Variants in EXOC2 observed in about 807,000 individuals in gnomAD.
EXOC2 encodes exocyst complex component 2, also known as SEC5-like 1.
In EXOC2, 70 loss-of-function variants were observed where a neutral mutation model predicts 131.8. The observed-to-expected ratio is 0.53, with a 90% CI of 0.44 to 0.65. EXOC2 has a LOEUF of 0.65. Ranked by LOEUF, EXOC2 falls within the 30% of genes least tolerant of loss-of-function variation. The probability of loss-of-function intolerance (pLI) is 0.00; values close to 1 mark genes in which losing one functional copy is unlikely to be tolerated. For missense variants in EXOC2, 923 were observed against 1,108.6 expected (o/e 0.83, Z 2.38); for synonymous variants, 411 against 398.4 (o/e 1.03, Z -0.38).
chr6:495,795 T>G (rs750680720), intron 25 of EXOC2, among the ~76,000 whole-genome samples: 2 of 152,250 alleles, frequency 1.3e-5, no homozygotes, highest in Non-Finnish European at 2.9e-5. Flanking sequence ...TTGTTCATCC[T>G]TTCATGTGGC....
At chr6:523,159 T>C (rs1765567930) in intron 23 of EXOC2, among the ~76,000 whole-genome samples, 1 of 152,220 alleles carries the variant, frequency 6.6e-6, no homozygotes, top group Non-Finnish European at 1.5e-5. Flanking sequence ...GATGGCGCTA[T>C]GCAGAAAGGG....
At chr6:631,468 G>A (rs1197814835) in intron 3 of EXOC2, among the ~76,000 whole-genome samples, 1 of 152,008 alleles carries the variant, frequency 6.6e-6, no homozygotes, top group Non-Finnish European at 1.5e-5. Flanking sequence ...AACCTGGGAG[G>A]CGGAGGTTGC....
intron 1 of EXOC2, among the ~76,000 whole-genome samples, chr6:683,472 TCTTTA>T (rs1202027483): frequency 1.3e-5 from 2 of 152,230 alleles, no homozygotes; most frequent in Non-Finnish European, 2.9e-5. Context: ...ACTTGTCAAA[TCTTTA>T]GGATGAAATA....
chr6:628,998 T>C (rs1761715634), intron 4 of EXOC2, among the ~76,000 whole-genome samples: 2 of 152,194 alleles, frequency 1.3e-5, no homozygotes, highest in African/African-American at 4.8e-5. Flanking sequence ...AACATGCTAC[T>C]TCCCCTCAGC....
rs148245612 is a variant in EXOC2 at position 539,432 on chromosome 6, G to A, written c.2239-6822C>T. ...CAGCCAGTGCTCCCAATAAGCCACC[G>A]CCCTGCCTTTCTTAGCAGCAATCAC... On this transcript the variant is annotated intron_variant, in intron 22 of 27. Transcript: ENST00000230449. 2.0e-4 allele frequency among the ~76,000 whole-genome samples: 30 copies of A among 150,600 alleles called. No individual in the cohort carries two copies. In the East Asian group the frequency reaches 3.5e-3, roughly 18 times the overall value.
At chr6:650,420 C>A (rs1226639468) in intron 1 of EXOC2, among the ~76,000 whole-genome samples, 1 of 152,150 alleles carries the variant, frequency 6.6e-6, no homozygotes, top group African/African-American at 2.4e-5. Context: ...GAAACGGGCA[C>A]TCTCTAGTTT....
chr6:682,120 C>A (rs1287863616), intron 1 of EXOC2, among the ~76,000 whole-genome samples: 1 of 152,156 alleles, frequency 6.6e-6, no homozygotes, highest in East Asian at 1.9e-4. Flanking sequence ...TGGTGACTAA[C>A]AGCCAGTCAC....
intron 11 of EXOC2, among the ~76,000 whole-genome samples, chr6:583,615 G>C (rs1263135268): frequency 6.6e-6 from 1 of 152,168 alleles, no homozygotes; most frequent in African/African-American, 2.4e-5. Flanking sequence ...CAAGTCCCAG[G>C]TTACTGACTT....
chr6:634,001 A>G (rs976086959), intron 2 of EXOC2, among the ~76,000 whole-genome samples: 1 of 152,158 alleles, frequency 6.6e-6, no homozygotes, highest in Non-Finnish European at 1.5e-5. Context: ...AACAGAGACC[A>G]ATGTAATTAA....
chr6:645,163 T>A (rs755927171), intron 1 of EXOC2, among the ~76,000 whole-genome samples: 1 of 151,956 alleles, frequency 6.6e-6, no homozygotes, highest in Non-Finnish European at 1.5e-5. Context: ...TATGATTATA[T>A]GAGTTTTGAC....
At chr6:608,415 T>C (rs1760538698) in intron 7 of EXOC2, among the ~76,000 whole-genome samples, 1 of 152,240 alleles carries the variant, frequency 6.6e-6, no homozygotes, top group African/African-American at 2.4e-5. Context: ...GGAATTGTTA[T>C]AAAGAAATGT....
chr6:560,114 A>G (rs1345758254), intron 17 of EXOC2, among the ~76,000 whole-genome samples: 1 of 152,240 alleles, frequency 6.6e-6, no homozygotes, highest in Admixed American at 6.5e-5. Context: ...TTATTATCAT[A>G]GTAGCCCAGT....
chr6:561,182 G>T (rs1431750452), intron 17 of EXOC2, among the ~76,000 whole-genome samples: 2 of 152,136 alleles, frequency 1.3e-5, no homozygotes, highest in African/African-American at 4.8e-5. Flanking sequence ...ATTAACTTAA[G>T]ATAGGACCTT....
chr6:599,679 G>A (rs938694943), intron 7 of EXOC2, among the ~76,000 whole-genome samples: 7 of 152,134 alleles, frequency 4.6e-5, no homozygotes, highest in African/African-American at 1.7e-4. Context: ...TTTCAGGAAA[G>A]TTGCTCAATA....
intron 23 of EXOC2, among the ~76,000 whole-genome samples, chr6:513,863 CAT>C (rs1764986993): frequency 6.6e-6 from 1 of 152,192 alleles, no homozygotes; most frequent in Non-Finnish European, 1.5e-5. Flanking sequence ...AATTTGCTCC[CAT>C]AGACACAAAC....
intron 23 of EXOC2, among the ~76,000 whole-genome samples, chr6:500,992 C>T (rs1375796230): frequency 1.4e-5 from 2 of 147,536 alleles, no homozygotes; most frequent in Non-Finnish European, 3.0e-5. Context: ...ATTTCATATA[C>T]AGATCAATAT....
intron 10 of EXOC2, among the ~76,000 whole-genome samples, chr6:596,093 G>C (rs950702282): frequency 6.6e-6 from 1 of 152,004 alleles, no homozygotes; most frequent in Middle Eastern, 3.2e-3. Context: ...TCATGGTGGT[G>C]ATCAGGATTA....
chr6:529,123 C>A (rs796643382), intron 23 of EXOC2, among the ~76,000 whole-genome samples: 1 of 152,002 alleles, frequency 6.6e-6, no homozygotes, highest in African/African-American at 2.4e-5. Context: ...TTTACCCCCC[C>A]CCGCGCCCTG....
At chr6:605,548 A>G (rs113227633) in intron 7 of EXOC2, among the ~76,000 whole-genome samples, 10,777 of 152,016 alleles carry the variant, frequency 0.071, 564 homozygotes, top group African/African-American at 0.14. Flanking sequence ...CGGTGGTGAT[A>G]TCCCCTTTAT....
Sources: allele counts gnomAD v4.1 joint callset (sites outside exome capture counted in the v4.1 genomes callset), GRCh38; gene constraint gnomAD v4.1.1; transcripts MANE v1.5; gene names NCBI Gene and HGNC (gene_info 2026-07-23, HGNC 2026-07-21).